Variants in LTBP1 observed in about 807,000 individuals in gnomAD.
LTBP1 encodes the protein latent transforming growth factor beta binding protein 1.
Under a neutral mutation model 207.6 loss-of-function variants are expected in LTBP1, and 129 were observed. The ratio of observed to expected loss-of-function variants is 0.62; its 90% CI spans 0.54 to 0.72. The LOEUF (loss-of-function observed/expected upper bound fraction) is 0.72. Among genes scored for constraint, LTBP1 ranks in the 30% least tolerant of loss-of-function variants. The pLI is 0.00. For synonymous variants in LTBP1, 963 were observed against 833.7 expected, an observed-to-expected ratio of 1.16 and a Z score of -2.67; for missense variants, 2,281 against 2,217.2, an observed-to-expected ratio of 1.03 and a Z score of -0.58.
rs189054394 is a variant in LTBP1, at chr2:33,397,645, C to T, written c.4984+363C>T. Among the ~76,000 whole-genome samples, 185 of 147,228 alleles carry T rather than the reference C, an allele frequency of 1.3e-3. 3 individuals carry two copies. The highest frequency in any genetic ancestry group is 4.3e-3 in the African/African-American group (173 of 40,016). ...GCCTCAGCCTCCTGAGTAGCTGGGACTACAGGCACCCGCCACCACACCCGG... is the reference window on the plus strand; with the variant it reads ...GCCTCAGCCTCCTGAGTAGCTGGGATTACAGGCACCCGCCACCACACCCGG... On this transcript the variant is annotated intron_variant, in intron 33 of 33. Transcript: ENST00000404816.
intron 8 of LTBP1, among the ~76,000 whole-genome samples, chr2:33,218,562 A>C (rs564792261): frequency 3.2e-4 from 49 of 152,134 alleles, no homozygotes; most frequent in African/African-American, 1.2e-3. Flanking sequence ...ATGCCCAGCT[A>C]ATTTTTGTAT....
At chr2:33,310,472 G>A (rs1319598540) in intron 23 of LTBP1, among the ~76,000 whole-genome samples, 1 of 152,088 alleles carries the variant, frequency 6.6e-6, no homozygotes, top group Non-Finnish European at 1.5e-5. Flanking sequence ...TAGGTATCTT[G>A]GTATCTCTTC....
At chr2:32,983,702 G>A (rs961959729) in intron 2 of LTBP1, among the ~76,000 whole-genome samples, 20 of 152,164 alleles carry the variant, frequency 1.3e-4, no homozygotes, top group African/African-American at 4.6e-4. Flanking sequence ...ATAAAGGGCA[G>A]TTCCCCTGCA....
intron 3 of LTBP1, among the ~76,000 whole-genome samples, chr2:33,048,220 G>C (rs939467501): frequency 3.9e-5 from 6 of 152,190 alleles, no homozygotes; most frequent in Non-Finnish European, 8.8e-5. Flanking sequence ...CATGGAAAGA[G>C]ATGAAGAGCG....
intron 7 of LTBP1, among the ~76,000 whole-genome samples, chr2:33,209,113 C>A (rs1006038956): frequency 6.6e-6 from 1 of 151,856 alleles, no homozygotes; most frequent in Non-Finnish European, 1.5e-5. Flanking sequence ...CCTCAAGTGA[C>A]CCGCCTGCCT....
At chr2:33,359,869 C>T (rs1046589692) in intron 26 of LTBP1, among the ~76,000 whole-genome samples, 1 of 152,120 alleles carries the variant, frequency 6.6e-6, no homozygotes, top group East Asian at 1.9e-4. Flanking sequence ...GGATTTTGTT[C>T]TTATTGTTTG....
chr2:33,129,321 C>T (rs1321468505), intron 4 of LTBP1, among the ~76,000 whole-genome samples: 1 of 152,206 alleles, frequency 6.6e-6, no homozygotes, highest in Non-Finnish European at 1.5e-5. Flanking sequence ...AGGCTCCGGA[C>T]TGCAGTCCAG....
chr2:33,396,982 T>C (rs933296331), intron 32 of LTBP1, 151 bp from the exon 33 acceptor site: 3 of 625,772 alleles, frequency 4.8e-6, no homozygotes, highest in Non-Finnish European at 7.9e-6. Flanking sequence ...ACAGCAACAT[T>C]CAGTATTTCT....
chr2:33,154,481 C>A (rs1169375865), intron 5 of LTBP1, among the ~76,000 whole-genome samples: 2 of 152,060 alleles, frequency 1.3e-5, no homozygotes, highest in Non-Finnish European at 2.9e-5. Flanking sequence ...TTGTATTGTA[C>A]CATGCGTTGT....
At chr2:33,147,819 T>C (rs2083176415) in intron 5 of LTBP1, among the ~76,000 whole-genome samples, 1 of 152,224 alleles carries the variant, frequency 6.6e-6, no homozygotes, top group Admixed American at 6.5e-5. Flanking sequence ...TTCAGAATTT[T>C]TCAGGGGATG....
rs1227455979 is a variant in LTBP1, at chr2:32,999,516, CCT to C, written c.566-21388_566-21387del. On this transcript the variant is annotated intron_variant, in intron 2 of 33. Coordinates refer to ENST00000404816, the MANE Select transcript of LTBP1 (RefSeq NM_206943.4). ...CTCCCAACACTGCTTTCTCCTTCCT[CCT>C]CTCTGCTCTTCCACCATCCCAGAAT... 2.2e-5 allele frequency among the ~76,000 whole-genome samples: 3 copies of C among 133,364 alleles called. 1 individual carries two copies. Among genetic ancestry groups the C allele is most frequent in the Non-Finnish European group, 4.9e-5 (3 of 60,962 alleles). 87.5% of individuals were successfully genotyped at this position (133,364 alleles called of 152,430 possible).
chr2:33,357,900 G>T (rs1277412764), intron 26 of LTBP1, among the ~76,000 whole-genome samples: 1 of 152,086 alleles, frequency 6.6e-6, no homozygotes, highest in African/African-American at 2.4e-5. Context: ...TTTAAAATTA[G>T]TTTCCAATAT....
intron 3 of LTBP1, among the ~76,000 whole-genome samples, chr2:33,089,956 G>A (rs2078984777): frequency 6.6e-6 from 1 of 152,200 alleles, no homozygotes; most frequent in South Asian, 2.1e-4. Context: ...TCTATAGTTT[G>A]ATCAAAATAC....
chr2:33,049,150 A>G (rs1226275799), intron 3 of LTBP1, among the ~76,000 whole-genome samples: 2 of 152,216 alleles, frequency 1.3e-5, no homozygotes, highest in Admixed American at 6.5e-5. Context: ...TTTCATTCCT[A>G]AAAACAATAG....
intron 11 of LTBP1, 88 bp from the exon 12 acceptor site, chr2:33,257,196 A>G: frequency 1.1e-6 from 1 of 947,170 alleles, no homozygotes; most frequent in Non-Finnish European, 1.6e-6. Context: ...GTGATGATTT[A>G]TTAAGAGCTA....
At chr2:33,115,296 G>T (rs2080678534) in intron 4 of LTBP1, among the ~76,000 whole-genome samples, 1 of 152,088 alleles carries the variant, frequency 6.6e-6, no homozygotes, top group Non-Finnish European at 1.5e-5. Flanking sequence ...GTCCAGAGTA[G>T]GCAAATCCAC....
Position 33,287,529 on chromosome 2 carries a change from A to G in LTBP1, c.3113-5631A>G, listed in dbSNP as rs565083450. Among the ~76,000 whole-genome samples the G allele has an allele frequency of 2.0e-5, 3 of 152,366 alleles. No individual in the cohort carries two copies. The South Asian group carries it at 6.2e-4, about 32-fold the overall frequency. ...GCAGTAACAATGGCTTGAGGATTCT[A>G]GAGTTTGAGACAGCAAGTCTGCACC... On this transcript the variant is annotated intron_variant, in intron 19 of 33. Transcript: ENST00000404816.
chr2:33,293,995 C>CTTTTTTTTTTTTT (rs71409607), intron 20 of LTBP1, among the ~76,000 whole-genome samples: 3 of 48,810 alleles, frequency 6.1e-5, no homozygotes, highest in African/African-American at 1.7e-4. Context: ...TGGTACAGGT[C>CTTTTTTTTTTTTT]TTTTTTTTTT....
At chr2:33,354,361 A>G (rs1178668941) in intron 26 of LTBP1, among the ~76,000 whole-genome samples, 2 of 152,178 alleles carry the variant, frequency 1.3e-5, no homozygotes, top group African/African-American at 4.8e-5. Context: ...GTAAGACCAC[A>G]GTATTTATAA....
Sources: allele counts gnomAD v4.1 joint callset (sites outside exome capture counted in the v4.1 genomes callset), GRCh38; gene constraint gnomAD v4.1.1; transcripts MANE v1.5; gene names NCBI Gene and HGNC (gene_info 2026-07-23, HGNC 2026-07-21).